The following KCMF1 variants were observed in gnomAD, a reference collection of about 807,000 sequenced individuals.
KCMF1 encodes the protein E3 ubiquitin-protein ligase KCMF1.
In KCMF1, 3 loss-of-function variants were observed where a neutral mutation model predicts 41.1. The ratio of observed to expected loss-of-function variants is 0.07; its 90% CI spans 0.03 to 0.19. The LOEUF is 0.19. KCMF1 is among the 10% of genes least tolerant of loss of function. The pLI is 1.00. For synonymous variants in KCMF1, 142 were observed against 164.5 expected (o/e 0.86, Z 1.04); for missense variants, 286 against 488.9 (o/e 0.58, Z 3.91).
At chr2:84,974,515 T>G (rs192137376) in intron 1 of KCMF1, among the ~76,000 whole-genome samples, 4 of 151,372 alleles carry the variant, frequency 2.6e-5, no homozygotes, top group African/African-American at 2.4e-5. Context: ...TCAGCATGCT[T>G]CTTCTGTAAA....
intron 5 of KCMF1, among the ~76,000 whole-genome samples, chr2:85,046,614 A>G (rs1168498697): frequency 6.7e-6 from 1 of 148,816 alleles, no homozygotes; most frequent in African/African-American, 2.5e-5. Context: ...TGGGTGATGG[A>G]GTGAGACCCT....
intron 1 of KCMF1, among the ~76,000 whole-genome samples, chr2:85,008,300 TATATA>T (rs1558573409): frequency 7.4e-5 from 6 of 81,168 alleles, no homozygotes; most frequent in Admixed American, 2.8e-4. Flanking sequence ...ATATATATAA[TATATA>T]ATATGATATA....
intron 1 of KCMF1, among the ~76,000 whole-genome samples, chr2:85,027,374 T>C (rs1051609101): frequency 7.5e-6 from 1 of 133,222 alleles, no homozygotes; most frequent in Non-Finnish European, 1.6e-5. Flanking sequence ...GGCTTTTTTT[T>C]TTTTTTTTTT....
At position 85,049,622 on chromosome 2, in the gene KCMF1, A is replaced by C. The variant is rs774959040; in HGVS notation, c.858A>C (p.Leu286=). Residue 286 remains leucine (L), a synonymous_variant, in exon 6 of 7, where the codon CTA becomes CTC. Coordinates refer to ENST00000409785, the MANE Select transcript of KCMF1 (RefSeq NM_020122.5). ...ATACAGAAAGCAGTCAGCAGACTCT[A>C]CAGAATTCCCAGTTTCTTTTAACAA... ...IANTESSQQT[L]QNSQFLLTRL... 6.2e-7 allele frequency: 1 copy of C among 1,613,300 alleles called. No individual in the cohort carries two copies. The highest frequency in any genetic ancestry group is 8.5e-7 in the Non-Finnish European group (1 of 1,179,314).
intron 1 of KCMF1, among the ~76,000 whole-genome samples, chr2:84,994,387 A>G (rs1674124751): frequency 6.6e-6 from 1 of 151,704 alleles, no homozygotes; most frequent in Non-Finnish European, 1.5e-5. Flanking sequence ...TTACTATCAC[A>G]CCTCACTAAA....
intron 1 of KCMF1, among the ~76,000 whole-genome samples, chr2:84,980,806 A>G (rs1247865000): frequency 6.6e-6 from 1 of 151,940 alleles, no homozygotes; most frequent in African/African-American, 2.4e-5. Context: ...ACGCCTGAAT[A>G]ATTTTTGAAA....
chr2:85,006,851 G>A (rs1426706956), intron 1 of KCMF1, among the ~76,000 whole-genome samples: 1 of 151,706 alleles, frequency 6.6e-6, no homozygotes, highest in African/African-American at 2.4e-5. Context: ...GCTCATGCCT[G>A]TAATCCCAGC....
At chr2:85,045,344 T>G (rs1239812745) in intron 4 of KCMF1, among the ~76,000 whole-genome samples, 1 of 152,096 alleles carries the variant, frequency 6.6e-6, no homozygotes. Context: ...ATGAATATGA[T>G]GGAACAGGGC....
chr2:85,011,484 G>C (rs1674651653), intron 1 of KCMF1, among the ~76,000 whole-genome samples: 1 of 152,164 alleles, frequency 6.6e-6, no homozygotes, highest in Admixed American at 6.6e-5. Context: ...GGACAGTACA[G>C]ATGTAAAACC....
At chr2:84,974,678 TA>T (rs1673491511) in intron 1 of KCMF1, among the ~76,000 whole-genome samples, 13 of 42,422 alleles carry the variant, frequency 3.1e-4, no homozygotes, top group African/African-American at 1.2e-3. Flanking sequence ...TATATATATA[TA>T]TATATATATA....
intron 1 of KCMF1, among the ~76,000 whole-genome samples, chr2:85,007,598 A>AG (rs1674503988): frequency 6.6e-6 from 1 of 152,174 alleles, no homozygotes; most frequent in Non-Finnish European, 1.5e-5. Flanking sequence ...TTTTTCCTTA[A>AG]GGCGAGATCA....
At chr2:85,042,738 G>A (rs1574041003) in intron 3 of KCMF1, among the ~76,000 whole-genome samples, 2 of 152,232 alleles carry the variant, frequency 1.3e-5, no homozygotes, top group African/African-American at 4.8e-5. Context: ...AAGAGTAAGG[G>A]CCTTTCCTCT....
intron 1 of KCMF1, among the ~76,000 whole-genome samples, chr2:85,008,479 ATATATCT>A (rs1011488325): frequency 1.4e-4 from 19 of 135,448 alleles, no homozygotes; most frequent in Admixed American, 1.2e-3. Context: ...TATATATCTC[ATATATCT>A]TATATATATT....
At chr2:85,050,125 G>A (rs573418188) in intron 6 of KCMF1, among the ~76,000 whole-genome samples, 1 of 152,172 alleles carries the variant, frequency 6.6e-6, no homozygotes, top group Non-Finnish European at 1.5e-5. Context: ...TCCAGCCTGG[G>A]TGACAAGAGT....
chr2:85,017,576 C>G (rs1211818003), intron 1 of KCMF1, among the ~76,000 whole-genome samples: 3 of 151,678 alleles, frequency 2.0e-5, no homozygotes, highest in Non-Finnish European at 2.9e-5. Context: ...ACCCCACCCC[C>G]CCAAATCACA....
In KCMF1 at chr2:84,971,497, C is replaced by G. The variant is rs1372164252; in HGVS notation, c.16+30C>G. The G allele has an allele frequency of 3.3e-6, 4 of 1,207,928 alleles. No individual in the cohort carries two copies. The African/African-American group carries it at 4.9e-5, about 15-fold the overall frequency. 74.8% of individuals were successfully genotyped at this position (1,207,928 alleles called of 1,614,324 possible). A position where few individuals can be genotyped will look rare whatever the true frequency, so the allele number is the denominator to read the frequency against. Reference sequence around the variant, plus strand: ...GAGGAGCCCCCGCCCCCACCCGCACCTCCCGGGCCTCGGCCTACCCCGCCC... The same window carrying G: ...GAGGAGCCCCCGCCCCCACCCGCACGTCCCGGGCCTCGGCCTACCCCGCCC... On this transcript the variant is annotated intron_variant, in intron 1 of 6. Transcript: ENST00000409785.
At chr2:85,042,917 G>A (rs936542664) in intron 3 of KCMF1, among the ~76,000 whole-genome samples, 12 of 152,124 alleles carry the variant, frequency 7.9e-5, no homozygotes, top group Non-Finnish European at 1.5e-5. Flanking sequence ...GAGGCCCATG[G>A]AAAGTTGTTC....
intron 1 of KCMF1, among the ~76,000 whole-genome samples, chr2:85,009,360 CTCT>C (rs373918695): frequency 1.8e-4 from 27 of 152,268 alleles, no homozygotes; most frequent in African/African-American, 6.3e-4. Flanking sequence ...AGTCAAACCT[CTCT>C]TCTTCATAAA....
At chr2:85,051,195 T>A (rs182784633) in intron 6 of KCMF1, among the ~76,000 whole-genome samples, 1 of 152,336 alleles carries the variant, frequency 6.6e-6, no homozygotes, top group East Asian at 1.9e-4. Flanking sequence ...TATTACCAGA[T>A]AATGCTGCTT....
Sources: gnomAD v4.1 joint callset for allele counts (sites outside exome capture counted in the v4.1 genomes callset) on GRCh38, gnomAD v4.1.1 for gene constraint, MANE v1.5 for transcripts, NCBI Gene and HGNC (gene_info 2026-07-23, HGNC 2026-07-21) for gene names.